POFUT1: variants seen among roughly 807,000 people sequenced by gnomAD.
POFUT1 encodes protein O-fucosyltransferase 1.
In POFUT1, 16 loss-of-function variants were observed where a neutral mutation model predicts 42.4. The observed-to-expected ratio is 0.38, with a 90% CI of 0.26 to 0.57. The LOEUF (loss-of-function observed/expected upper bound fraction) is 0.57. Ranked by LOEUF, POFUT1 falls within the 20% of genes least tolerant of loss-of-function variation. The probability of loss-of-function intolerance (pLI) is 0.71; values close to 1 mark genes in which losing one functional copy is unlikely to be tolerated. For missense variants in POFUT1, 470 were observed against 504.6 expected, an observed-to-expected ratio of 0.93 and a Z score of 0.66; for synonymous variants, 206 against 205.4, an observed-to-expected ratio of 1.00 and a Z score of -0.03.
intron 3 of POFUT1, 53 bp from the exon 4 acceptor site, chr20:32,216,556 C>A: frequency 1.8e-6 from 2 of 1,142,812 alleles, no homozygotes; most frequent in Non-Finnish European, 2.7e-6. Flanking sequence ...GGCCCCATCC[C>A]CAAATGGCTT....
intron 6 of POFUT1, 124 bp from the exon 7 acceptor site, chr20:32,234,349 T>C: frequency 1.1e-6 from 1 of 907,446 alleles, no homozygotes; most frequent in Non-Finnish European, 1.6e-6. Context: ...GAACCACATC[T>C]TCCTCTTCTC....
intron 4 of POFUT1, among the ~76,000 whole-genome samples, chr20:32,219,490 G>A (rs1018298674): frequency 1.4e-4 from 21 of 150,644 alleles, no homozygotes; most frequent in Admixed American, 1.0e-3. Flanking sequence ...ACTACAAAAC[G>A]TAGTAGCATA....
chr20:32,226,698 A>G (rs1031192512), intron 4 of POFUT1, among the ~76,000 whole-genome samples: 4 of 152,156 alleles, frequency 2.6e-5, no homozygotes, highest in African/African-American at 9.7e-5. Context: ...ACAATACATA[A>G]CCTTTGAGAT....
intron 4 of POFUT1, among the ~76,000 whole-genome samples, chr20:32,221,719 A>T (rs1219452587): frequency 6.6e-6 from 1 of 151,988 alleles, no homozygotes; most frequent in Non-Finnish European, 1.5e-5. Flanking sequence ...ATCTTAAAAA[A>T]AAAAAATGCC....
intron 4 of POFUT1, chr20:32,218,007 T>A (rs1387867194): frequency 6.6e-6 from 1 of 152,418 alleles, no homozygotes; most frequent in Non-Finnish European, 1.5e-5. Flanking sequence ...CTGTGGGTTG[T>A]TACTGCCATC....
chr20:32,223,642 A>G, intron 4 of POFUT1: 1 of 985,416 alleles, frequency 1.0e-6, no homozygotes. Context: ...CTACTCAGGT[A>G]ATATGAATTC....
chr20:32,210,794 A>G (rs925398637), intron 2 of POFUT1, among the ~76,000 whole-genome samples: 15 of 152,208 alleles, frequency 9.9e-5, no homozygotes, highest in African/African-American at 2.7e-4. Flanking sequence ...GTCGTTGTTC[A>G]TATTGTATCT....
intron 4 of POFUT1, chr20:32,222,763 C>G: frequency 1.0e-6 from 1 of 985,462 alleles, no homozygotes; most frequent in Non-Finnish European, 1.2e-6. Flanking sequence ...TGGCACAGCT[C>G]TAATTCAGCT....
chr20:32,214,640 T>A (rs1439181598), intron 2 of POFUT1, among the ~76,000 whole-genome samples: 2 of 152,254 alleles, frequency 1.3e-5, no homozygotes, highest in Non-Finnish European at 2.9e-5. Context: ...GTTAGACATC[T>A]TCTGAGTGTG....
At chr20:32,208,494 C>G (rs2047306757) in intron 1 of POFUT1, among the ~76,000 whole-genome samples, 1 of 151,982 alleles carries the variant, frequency 6.6e-6, no homozygotes, top group South Asian at 2.1e-4. Context: ...CTTGTAGAGC[C>G]TTCATTTTAG....
chr20:32,213,492 G>A (rs1357270114), intron 2 of POFUT1, among the ~76,000 whole-genome samples: 1 of 151,360 alleles, frequency 6.6e-6, no homozygotes. Context: ...TAAAGATGAG[G>A]CTGGGCGCAG....
chr20:32,212,024 G>GT (rs1211100218), intron 2 of POFUT1, among the ~76,000 whole-genome samples: 2 of 152,126 alleles, frequency 1.3e-5, no homozygotes, highest in Non-Finnish European at 2.9e-5. Flanking sequence ...GTATGCTTGG[G>GT]TTTCTTCATA....
intron 4 of POFUT1, among the ~76,000 whole-genome samples, chr20:32,218,155 T>A (rs922556801): frequency 1.3e-5 from 2 of 152,138 alleles, no homozygotes; most frequent in Non-Finnish European, 2.9e-5. Flanking sequence ...ATATTTATAT[T>A]TGAAATGGGT....
At chr20:32,223,615 G>C in intron 4 of POFUT1, 2 of 985,418 alleles carry the variant, frequency 2.0e-6, no homozygotes, top group South Asian at 9.4e-5. Flanking sequence ...ATTAGCTGAA[G>C]ACCTGGCCTA....
intron 2 of POFUT1, among the ~76,000 whole-genome samples, chr20:32,213,686 G>C (rs1039478683): frequency 1.3e-5 from 2 of 151,906 alleles, no homozygotes; most frequent in Non-Finnish European, 2.9e-5. Context: ...CAGGAGAATC[G>C]CTTGAACCTG....
chr20:32,213,569 G>A (rs2047342259), intron 2 of POFUT1, among the ~76,000 whole-genome samples: 1 of 149,044 alleles, frequency 6.7e-6, no homozygotes, highest in South Asian at 2.1e-4. Context: ...TCAGGAGTTT[G>A]AGACCAGCCT....
At chr20:32,210,229 C>T (rs754641501) in intron 2 of POFUT1, 37 bp downstream of exon 2, 1 of 1,612,260 alleles carries the variant, frequency 6.2e-7, no homozygotes, top group South Asian at 1.1e-5. Flanking sequence ...TTTCTCCGCC[C>T]TTTCTCAGTC....
chr20:32,221,671 TG>T (rs2047391457), intron 4 of POFUT1, among the ~76,000 whole-genome samples: 1 of 151,606 alleles, frequency 6.6e-6, no homozygotes, highest in Non-Finnish European at 1.5e-5. Flanking sequence ...ACCCATGATC[TG>T]TCCACTGCAC....
In POFUT1 at chr20:32,237,448, A is replaced by G. The variant is rs778759869; in HGVS notation, c.*2787A>G. ...TCTGAAGAGCTGTCATGAAGGAGGGAGGGAGCACATTCCTGGCAGAGAAAA... is the reference window on the plus strand; with the variant it reads ...TCTGAAGAGCTGTCATGAAGGAGGGGGGGAGCACATTCCTGGCAGAGAAAA... On this transcript the variant is annotated 3_prime_UTR_variant, in exon 7 of 7. Transcript: ENST00000375749. The G allele has an allele frequency of 1.0e-5, 2 of 198,416 alleles. No individual in the cohort carries two copies. Among genetic ancestry groups the G allele is most frequent in the African/African-American group, 2.3e-5 (1 of 44,016 alleles). 12.3% of individuals were successfully genotyped at this position (198,416 alleles called of 1,614,324 possible). A position where few individuals can be genotyped will look rare whatever the true frequency, so the allele number is the denominator to read the frequency against.
Sources: gnomAD v4.1 joint callset for allele counts (sites outside exome capture counted in the v4.1 genomes callset) on GRCh38, gnomAD v4.1.1 for gene constraint, MANE v1.5 for transcripts, NCBI Gene and HGNC (gene_info 2026-07-23, HGNC 2026-07-21) for gene names.